Variants in SMAP2 observed in about 807,000 individuals in gnomAD.
The protein encoded by SMAP2 is small ArfGAP2, also known as stromal membrane-associated protein 2.
Under a neutral mutation model 56.4 loss-of-function variants are expected in SMAP2, and 25 were observed. The ratio of observed to expected loss-of-function variants is 0.44; its 90% CI spans 0.32 to 0.62. SMAP2 has a LOEUF of 0.62. Among genes scored for constraint, SMAP2 ranks in the 20% least tolerant of loss-of-function variants. The pLI, the probability that SMAP2 is intolerant of heterozygous loss-of-function variation, is 0.04. For missense variants in SMAP2, 388 were observed against 545.6 expected, an observed-to-expected ratio of 0.71 and a Z score of 2.88; for synonymous variants, 157 against 181.7, an observed-to-expected ratio of 0.86 and a Z score of 1.09.
At chr1:40,402,165 A>G (rs971792849) in intron 1 of SMAP2, among the ~76,000 whole-genome samples, 3 of 152,218 alleles carry the variant, frequency 2.0e-5, no homozygotes, top group East Asian at 1.9e-4. Context: ...CTTGATTGCC[A>G]TGACCAATGT....
chr1:40,402,009 T>G (rs768014750), intron 1 of SMAP2, among the ~76,000 whole-genome samples: 1 of 152,184 alleles, frequency 6.6e-6, no homozygotes, highest in Non-Finnish European at 1.5e-5. Flanking sequence ...TGTGCACTTA[T>G]GTGTGACCTT....
chr1:40,392,090 A>G (rs1328440731), intron 1 of SMAP2, among the ~76,000 whole-genome samples: 3 of 151,978 alleles, frequency 2.0e-5, no homozygotes, highest in Non-Finnish European at 4.4e-5. Context: ...ATTGTTAGCC[A>G]TTGAAGTGGT....
At position 40,416,800 on chromosome 1, in the gene SMAP2, C is replaced by G; in HGVS notation, c.868C>G (p.Gln290Glu). The change falls in exon 9 of 10, where the codon CAG becomes GAG. Residue 290 changes from glutamine (Q) to glutamate (E), a missense_variant. Transcript: ENST00000372718. ...PTQAMFMAPAQMAYPTAYPSF... is the reference protein window; with the variant it reads ...PTQAMFMAPAEMAYPTAYPSF... ...GGCAGCAATGTTCATGGCTCCCGCT[C>G]AGATGGCATATCCCACAGCCTACCC... 1 of 1,603,694 alleles carries G rather than the reference C, an allele frequency of 6.2e-7. No homozygotes were observed. Among genetic ancestry groups the G allele is most frequent in the Non-Finnish European group, 8.5e-7 (1 of 1,171,298 alleles).
chr1:40,374,684 A>T lies in SMAP2; in HGVS notation c.103+461A>T. The T allele has an allele frequency of 6.5e-7, 1 of 1,550,198 alleles. No homozygotes were observed. Among genetic ancestry groups the T allele is most frequent in the Non-Finnish European group, 8.7e-7 (1 of 1,146,920 alleles). On this transcript the variant is annotated intron_variant, in intron 1 of 9. Coordinates refer to ENST00000372718, the MANE Select transcript of SMAP2 (RefSeq NM_022733.3). This position sits in a 1 kb window ranked among gnomAD's most constrained non-coding sequence, Gnocchi z 5.9. ...GGAGGGAAGTGAGATGGCGGAAAGG[A>T]AAACTGCTTAAATGATTTTTAAAGG... is the stretch of plus-strand genomic sequence containing the variant.
intron 9 of SMAP2, among the ~76,000 whole-genome samples, chr1:40,418,456 T>C (rs1645010884): frequency 1.3e-5 from 2 of 152,008 alleles, no homozygotes; most frequent in African/African-American, 4.8e-5. Flanking sequence ...ACAAAATAAA[T>C]AAAATATGGG....
chr1:40,417,101 G>GCTACC lies in SMAP2; in HGVS notation c.1164+7_1164+11dup, dbSNP rs1644996284. The GCTACC allele has an allele frequency of 6.3e-7, 1 of 1,589,846 alleles. No homozygotes were observed. Among genetic ancestry groups the GCTACC allele is most frequent in the Admixed American group, 1.7e-5 (1 of 59,146 alleles). On this transcript the variant is annotated splice_donor_region_variant and intron_variant, in intron 9 of 9. Coordinates refer to ENST00000372718, the MANE Select transcript of SMAP2 (RefSeq NM_022733.3). ...CTGCAATGGAACCTTACTCAGGTAAGCTACCCCATTTTACTTGCAGCAAGA... is the reference window on the plus strand; with the variant it reads ...CTGCAATGGAACCTTACTCAGGTAAGCTACCCTACCCCATTTTACTTGCAGCAAGA...
chr1:40,405,180 T>G (rs1180012197), intron 1 of SMAP2, among the ~76,000 whole-genome samples: 2 of 152,200 alleles, frequency 1.3e-5, no homozygotes, highest in African/African-American at 4.8e-5. Flanking sequence ...ATTCCTTCAT[T>G]AAAACTGCTG....
In SMAP2 at chr1:40,386,771, T is replaced by C. The variant is rs1644660159; in HGVS notation, c.103+12548T>C. ...TTTAAAACAACAACAACTTTATCTT[T>C]TATGATTCTGAAACCTATCCACGAT... On this transcript the variant is annotated intron_variant, in intron 1 of 9. Coordinates refer to ENST00000372718, the MANE Select transcript of SMAP2 (RefSeq NM_022733.3). This position sits in a 1 kb window ranked among gnomAD's most constrained non-coding sequence, Gnocchi z 4.1. Among the ~76,000 whole-genome samples the C allele has an allele frequency of 1.3e-5, 2 of 152,184 alleles. No individual in the cohort carries two copies. Among genetic ancestry groups the C allele is most frequent in the African/African-American group, 4.8e-5 (2 of 41,432 alleles).
chr1:40,392,746 A>G (rs571924623), intron 1 of SMAP2, among the ~76,000 whole-genome samples: 4 of 152,154 alleles, frequency 2.6e-5, no homozygotes, highest in Non-Finnish European at 4.4e-5. Flanking sequence ...ATTTTCTGTA[A>G]TAAGCAATCT....
chr1:40,357,376 A>T, intron 1 of SMAP2, among the ~76,000 whole-genome samples: 1 of 151,902 alleles, frequency 6.6e-6, no homozygotes, highest in Non-Finnish European at 1.5e-5. Context: ...AATTCCTTGA[A>T]CCTGGGAGGC....
Position 40,385,249 on chromosome 1 carries a change from T to C in SMAP2, c.103+11026T>C, listed in dbSNP as rs1041687652. Among the ~76,000 whole-genome samples, 1 of 152,226 alleles carries C rather than the reference T, an allele frequency of 6.6e-6. No homozygotes were observed. Among genetic ancestry groups the C allele is most frequent in the African/African-American group, 2.4e-5 (1 of 41,462 alleles). On this transcript the variant is annotated intron_variant, in intron 1 of 9. Transcript: ENST00000372718. This position sits in a 1 kb window ranked among gnomAD's most constrained non-coding sequence, Gnocchi z 4.5. The stretch of plus-strand genomic sequence containing the variant: ...GTAGAATTTTATTATTGTTGCTTTT[T>C]TTCATTTTCAATTAATGTTAAGTGA...
At chr1:40,382,759 GAAT>G (rs1644610788) in intron 1 of SMAP2, among the ~76,000 whole-genome samples, 1 of 152,184 alleles carries the variant, frequency 6.6e-6, no homozygotes, top group African/African-American at 2.4e-5. Context: ...CACATCCCTA[GAAT>G]GTAAGCTAGG....
At chr1:40,412,038 G>A (rs1644940939) in intron 4 of SMAP2, among the ~76,000 whole-genome samples, 2 of 151,942 alleles carry the variant, frequency 1.3e-5, no homozygotes, top group Non-Finnish European at 2.9e-5. Context: ...TTTAATTGTT[G>A]CATCATCTTT....
At chr1:40,402,348 A>G (rs1319877630) in intron 1 of SMAP2, among the ~76,000 whole-genome samples, 3 of 152,136 alleles carry the variant, frequency 2.0e-5, no homozygotes, top group Non-Finnish European at 4.4e-5. Flanking sequence ...TATTTGAATT[A>G]TTCTCTTCTA....
At chr1:40,403,781 C>A (rs1201813969) in intron 1 of SMAP2, 2 of 419,158 alleles carry the variant, frequency 4.8e-6, no homozygotes, top group African/African-American at 2.2e-5. Flanking sequence ...CAGGTAATCA[C>A]TGAAGGAGCT....
intron 1 of SMAP2, among the ~76,000 whole-genome samples, chr1:40,347,299 C>A (rs954159497): frequency 2.0e-5 from 3 of 149,568 alleles, no homozygotes; most frequent in Admixed American, 2.0e-4. Flanking sequence ...CCACGTTGGC[C>A]AGGCTGGTCT....
At chr1:40,372,789 T>G (rs1644505490), upstream of SMAP2, among the ~76,000 whole-genome samples, 1 of 152,210 alleles carries the variant, frequency 6.6e-6, no homozygotes, top group Non-Finnish European at 1.5e-5. Flanking sequence ...CAGAGTGACC[T>G]TTTAAAACCA....
chr1:40,416,727 T>A (rs928454465), intron 8 of SMAP2, 53 bp from the exon 9 acceptor site: 1 of 1,539,426 alleles, frequency 6.5e-7, no homozygotes, highest in Non-Finnish European at 8.8e-7. Flanking sequence ...GAGTTCGGGC[T>A]GACTTTATGT....
intron 1 of SMAP2, chr1:40,403,739 C>G (rs963203042): frequency 1.3e-6 from 1 of 768,148 alleles, no homozygotes; most frequent in Non-Finnish European, 1.6e-6. Flanking sequence ...AACTAAGGCT[C>G]AGGAAATGTA....
Sources: allele counts gnomAD v4.1 joint callset (sites outside exome capture counted in the v4.1 genomes callset), GRCh38; gene constraint gnomAD v4.1.1; non-coding constraint Gnocchi (gnomAD v3.1); transcripts MANE v1.5; gene names NCBI Gene and HGNC (gene_info 2026-07-23, HGNC 2026-07-21).